Variants in CNTN4 observed in about 807,000 individuals in gnomAD.
CNTN4 encodes the protein contactin-4.
Under a neutral mutation model 122.5 loss-of-function variants are expected in CNTN4, and 77 were observed. The ratio of observed to expected loss-of-function variants is 0.63; its 90% CI spans 0.52 to 0.76. The LOEUF (loss-of-function observed/expected upper bound fraction) is 0.76. CNTN4 is among the 30% of genes least tolerant of loss of function. The probability of loss-of-function intolerance (pLI) is 0.00; values close to 1 mark genes in which losing one functional copy is unlikely to be tolerated. For missense variants in CNTN4, 1,256 were observed against 1,259.1 expected, an observed-to-expected ratio of 1.00 and a Z score of 0.04; for synonymous variants, 512 against 447.0, an observed-to-expected ratio of 1.15 and a Z score of -1.83.
chr3:3,040,329 G>A (rs1387585094), intron 20 of CNTN4, 58 bp downstream of exon 20: 1 of 1,313,258 alleles, frequency 7.6e-7, no homozygotes, highest in Non-Finnish European at 1.1e-6. Flanking sequence ...TCTAAAATGT[G>A]GATTGTAGCA....
chr3:2,554,675 G>C (rs1455870519), intron 3 of CNTN4, among the ~76,000 whole-genome samples: 3 of 152,090 alleles, frequency 2.0e-5, no homozygotes, highest in African/African-American at 7.2e-5. Context: ...TATCACAAAA[G>C]CAGTCATAGG....
intron 3 of CNTN4, among the ~76,000 whole-genome samples, chr3:2,492,482 GAGAGAGC>G (rs2076345856): frequency 6.6e-6 from 1 of 152,120 alleles, no homozygotes; most frequent in Non-Finnish European, 1.5e-5. Context: ...TTGACAGAAC[GAGAGAGC>G]AGATTCTACT....
chr3:2,621,173 G>A (rs549118709), intron 4 of CNTN4, among the ~76,000 whole-genome samples: 8 of 152,052 alleles, frequency 5.3e-5, no homozygotes, highest in South Asian at 2.1e-4. Flanking sequence ...CCCTGTTCTC[G>A]CGTCTTCCTC....
chr3:2,764,406 T>A (rs1163510518), intron 6 of CNTN4, among the ~76,000 whole-genome samples: 1 of 152,158 alleles, frequency 6.6e-6, no homozygotes, highest in Non-Finnish European at 1.5e-5. Context: ...AAATACAGAA[T>A]GTACAAAGGT....
chr3:2,251,145 A>G lies in CNTN4; in HGVS notation c.-144-88033A>G, dbSNP rs115601665. The stretch of plus-strand genomic sequence containing the variant: ...ATTAAAATGCATCCTCTCTCCTATA[A>G]GCTCTGTTGTTAATTTCGTGATACA... On this transcript the variant is annotated intron_variant, in intron 2 of 24. Coordinates refer to ENST00000418658, the MANE Select transcript of CNTN4 (RefSeq NM_175607.3). Among the ~76,000 whole-genome samples, 976 of 151,992 alleles carry G rather than the reference A, an allele frequency of 6.4e-3. 9 individuals are homozygous for G. Among genetic ancestry groups the G allele is most frequent in the Middle Eastern group, 0.027 (8 of 294 alleles).
At chr3:3,016,055 A>C (rs895202251) in intron 14 of CNTN4, among the ~76,000 whole-genome samples, 1 of 152,178 alleles carries the variant, frequency 6.6e-6, no homozygotes, top group Non-Finnish European at 1.5e-5. Context: ...AACAGAAAAC[A>C]TTCTAATTAT....
chr3:2,374,319 C>A (rs181189249), intron 3 of CNTN4, among the ~76,000 whole-genome samples: 47 of 152,292 alleles, frequency 3.1e-4, no homozygotes, highest in South Asian at 2.1e-3. Flanking sequence ...CCCTTAAAAT[C>A]ATTCTATAGG....
chr3:2,816,367 A>T lies in CNTN4; in HGVS notation c.359-3119A>T, dbSNP rs193080969. On this transcript the variant is annotated intron_variant, in intron 6 of 24. Coordinates refer to ENST00000418658, the MANE Select transcript of CNTN4 (RefSeq NM_175607.3). ...AGACTCCATCTCAAAAAAAATAAAA[A>T]AAATAAATAAATAAAATAAATAAAA... Among the ~76,000 whole-genome samples the T allele has an allele frequency of 4.3e-3, 656 of 151,782 alleles. 3 individuals carry two copies. The highest frequency in any genetic ancestry group is 6.9e-3 in the South Asian group (33 of 4,812).
intron 2 of CNTN4, among the ~76,000 whole-genome samples, chr3:2,259,458 C>T (rs746190774): frequency 1.1e-4 from 16 of 152,088 alleles, no homozygotes; most frequent in Admixed American, 2.0e-4. Context: ...TGCATTAGTC[C>T]GTTTTCACGC....
At chr3:2,185,376 A>G (rs2037203182) in intron 2 of CNTN4, among the ~76,000 whole-genome samples, 1 of 152,108 alleles carries the variant, frequency 6.6e-6, no homozygotes, top group Non-Finnish European at 1.5e-5. Context: ...TGGATTCTTT[A>G]CTAATTGGAA....
intron 3 of CNTN4, among the ~76,000 whole-genome samples, chr3:2,425,207 T>G (rs1000797293): frequency 6.6e-6 from 1 of 152,232 alleles, no homozygotes; most frequent in Non-Finnish European, 1.5e-5. Context: ...GTTTTAGATC[T>G]AACATTTAAG....
intron 3 of CNTN4, among the ~76,000 whole-genome samples, chr3:2,501,653 C>T (rs1367749797): frequency 6.6e-6 from 1 of 152,022 alleles, no homozygotes; most frequent in Non-Finnish European, 1.5e-5. Context: ...TGTATTTGAT[C>T]CTCTCATATC....
intron 3 of CNTN4, among the ~76,000 whole-genome samples, chr3:2,386,798 C>A (rs13100201): frequency 0.14 from 21,109 of 152,096 alleles, 1,810 homozygotes; most frequent in Middle Eastern, 0.19. Context: ...GAAACATATA[C>A]ATAGGGTAGT....
At chr3:2,199,231 G>T (rs753028494) in intron 2 of CNTN4, among the ~76,000 whole-genome samples, 1 of 152,112 alleles carries the variant, frequency 6.6e-6, no homozygotes, top group Non-Finnish European at 1.5e-5. Context: ...CTAACCTCCT[G>T]CATGAAGGAT....
chr3:2,905,212 G>C (rs1426815889), intron 12 of CNTN4, among the ~76,000 whole-genome samples: 2 of 152,148 alleles, frequency 1.3e-5, no homozygotes, highest in Non-Finnish European at 2.9e-5. Context: ...TTTGATCTGA[G>C]CTCTTAAGTT....
rs952133024 is a variant in CNTN4, at chr3:3,034,931, C to A, written c.1942+141C>A. ...GCAGTGTTTCCTAAACCTCGGCCAA[C>A]TGTACTATCATTAATATTTTTCTTT... On this transcript the variant is annotated intron_variant, in intron 17 of 24. Coordinates refer to ENST00000418658, the MANE Select transcript of CNTN4 (RefSeq NM_175607.3). The A allele has an allele frequency of 4.4e-6, 4 of 908,290 alleles. No individual in the cohort carries two copies. In the African/African-American group the frequency reaches 6.6e-5, roughly 15 times the overall value. 56.3% of individuals were successfully genotyped at this position (908,290 alleles called of 1,614,324 possible).
intron 3 of CNTN4, among the ~76,000 whole-genome samples, chr3:2,508,180 C>T (rs1470684714): frequency 6.6e-6 from 1 of 152,162 alleles, no homozygotes; most frequent in Non-Finnish European, 1.5e-5. Flanking sequence ...TATTTTATTA[C>T]TGGCTCCATT....
At chr3:2,412,111 T>C (rs2047245739) in intron 3 of CNTN4, among the ~76,000 whole-genome samples, 1 of 152,228 alleles carries the variant, frequency 6.6e-6, no homozygotes, top group Non-Finnish European at 1.5e-5. Flanking sequence ...TTGCTCAACA[T>C]ACTATTTTTT....
intron 2 of CNTN4, among the ~76,000 whole-genome samples, chr3:2,136,875 G>T (rs1256488360): frequency 6.6e-6 from 1 of 152,118 alleles, no homozygotes; most frequent in Non-Finnish European, 1.5e-5. Flanking sequence ...AATAAGTAAA[G>T]ATGAAAATAT....
Sources: allele counts gnomAD v4.1 joint callset (sites outside exome capture counted in the v4.1 genomes callset), GRCh38; gene constraint gnomAD v4.1.1; transcripts MANE v1.5; gene names NCBI Gene and HGNC (gene_info 2026-07-23, HGNC 2026-07-21).